The following PTGIS variants were observed in gnomAD, a reference collection of about 807,000 sequenced individuals.
The protein encoded by PTGIS is prostacyclin synthase.
Under a neutral mutation model 50.3 loss-of-function variants are expected in PTGIS, and 45 were observed. The observed-to-expected ratio is 0.90, with a 90% CI of 0.70 to 1.15. The LOEUF is 1.15. Ranked by LOEUF, PTGIS falls within the 50% of genes most tolerant of loss-of-function variation. PTGIS has a pLI of 0.00. For missense variants in PTGIS, 668 were observed against 661.3 expected, an observed-to-expected ratio of 1.01 and a Z score of -0.11; for synonymous variants, 260 against 267.7, an observed-to-expected ratio of 0.97 and a Z score of 0.28.
chr20:49,559,591 C>T (rs1207013774), intron 1 of PTGIS, among the ~76,000 whole-genome samples: 1 of 152,130 alleles, frequency 6.6e-6, no homozygotes, highest in African/African-American at 2.4e-5. Flanking sequence ...TGTGGTGTAT[C>T]AATGCCACGA....
At position 49,521,797 on chromosome 20, in the gene PTGIS, G is replaced by C. The variant is rs533781046; in HGVS notation, c.855+2261C>G. On this transcript the variant is annotated intron_variant, in intron 6 of 9. Coordinates refer to ENST00000244043, the MANE Select transcript of PTGIS (RefSeq NM_000961.4). ...GGCCAAGAGAAAGATGGGGCTTGGG[G>C]ATCAGGAGAGAGGGCAGGAACCAGG... Among the ~76,000 whole-genome samples the C allele has an allele frequency of 1.4e-3, 209 of 152,266 alleles. 1 individual carries two copies. The highest frequency in any genetic ancestry group is 4.6e-3 in the African/African-American group (191 of 41,562).
chr20:49,523,951 A>G, intron 6 of PTGIS, 107 bp downstream of exon 6: 2 of 1,331,216 alleles, frequency 1.5e-6, no homozygotes, highest in South Asian at 1.2e-5. Context: ...ACACAGGCAT[A>G]GTCATGTGCA....
chr20:49,503,965 T>A lies in PTGIS; in HGVS notation c.*3955A>T, dbSNP rs2122826289. 6.6e-6 allele frequency: 1 copy of A among 152,364 alleles called. No homozygotes were observed. Among genetic ancestry groups the A allele is most frequent in the Non-Finnish European group, 1.5e-5 (1 of 68,010 alleles). The allele number at this position is 152,364 out of a possible 1,614,324, so 9.4% of individuals were successfully genotyped here. A position where few individuals can be genotyped will look rare whatever the true frequency, so the allele number is the denominator to read the frequency against. ...GAATCTTTATTAAAATAGCAAGGCA[T>A]AACAATCACTGCTACTCAGGAAACA... On this transcript the variant is annotated 3_prime_UTR_variant, in exon 10 of 10. Transcript: ENST00000244043.
In PTGIS at chr20:49,524,057, C is replaced by G. The variant is rs1476849911; in HGVS notation, c.855+1G>C. 3.1e-6 allele frequency: 5 copies of G among 1,614,258 alleles called. No individual in the cohort carries two copies. The highest frequency in any genetic ancestry group is 4.2e-6 in the Non-Finnish European group (5 of 1,180,054). On this transcript the variant is annotated splice_donor_variant, in intron 6 of 9. Transcript: ENST00000244043. LOFTEE classifies it high-confidence loss of function. ...ACACCCACTTGCACATTCACACCCACCTGTGTGGCCCACAGCTGCAGCACC... is the reference window on the plus strand; with the variant it reads ...ACACCCACTTGCACATTCACACCCAGCTGTGTGGCCCACAGCTGCAGCACC...
chr20:49,533,762 G>C (rs900167583), intron 5 of PTGIS, among the ~76,000 whole-genome samples: 2 of 152,062 alleles, frequency 1.3e-5, no homozygotes, highest in East Asian at 3.9e-4. Context: ...TTCAAAACCA[G>C]CCTGGCCAAT....
intron 1 of PTGIS, among the ~76,000 whole-genome samples, chr20:49,551,420 C>A (rs1292329973): frequency 6.6e-6 from 1 of 152,144 alleles, no homozygotes; most frequent in Admixed American, 6.6e-5. Context: ...TATTATAACC[C>A]AGACATTTAT....
chr20:49,548,132 T>TA, intron 2 of PTGIS, 113 bp from the exon 3 acceptor site: 1 of 968,620 alleles, frequency 1.0e-6, no homozygotes, highest in Non-Finnish European at 1.6e-6. Context: ...AGTAACACAC[T>TA]ATGTTCTCTT....
rs1283435953 is a variant in PTGIS, at chr20:49,544,464, A to T, written c.378-16T>A. The T allele has an allele frequency of 6.2e-7, 1 of 1,614,080 alleles. No homozygotes were observed. Among genetic ancestry groups the T allele is most frequent in the Admixed American group, 1.7e-5 (1 of 60,018 alleles). On this transcript the variant is annotated splice_polypyrimidine_tract_variant and intron_variant, in intron 3 of 9. Transcript: ENST00000244043. ...GAGAAGAGTCCTGAGGCAGGAAACA[A>T]AAGCATGAAAATTTGGCTTCCAAAG...
chr20:49,535,633 GC>G (rs1944997949), intron 5 of PTGIS, among the ~76,000 whole-genome samples: 1 of 152,170 alleles, frequency 6.6e-6, no homozygotes, highest in African/African-American at 2.4e-5. Context: ...TCCCACCTCA[GC>G]CTCCCAAGTA....
intron 6 of PTGIS, among the ~76,000 whole-genome samples, chr20:49,523,101 G>A (rs1981695766): frequency 6.6e-6 from 1 of 152,186 alleles, no homozygotes; most frequent in Non-Finnish European, 1.5e-5. Flanking sequence ...TGGATTGGAT[G>A]CTGGACCAAG....
intron 1 of PTGIS, among the ~76,000 whole-genome samples, chr20:49,563,296 A>G (rs1294451046): frequency 6.6e-6 from 1 of 152,232 alleles, no homozygotes; most frequent in Non-Finnish European, 1.5e-5. Context: ...TCAGTCTGCC[A>G]TTAACAGGGT....
At chr20:49,526,787 A>G (rs1981803090) in intron 5 of PTGIS, among the ~76,000 whole-genome samples, 1 of 152,242 alleles carries the variant, frequency 6.6e-6, no homozygotes, top group Admixed American at 6.5e-5. Flanking sequence ...GATACCATTC[A>G]CAACCATGAG....
At chr20:49,541,781 G>A (rs1308739375) in intron 4 of PTGIS, among the ~76,000 whole-genome samples, 1 of 152,118 alleles carries the variant, frequency 6.6e-6, no homozygotes, top group Admixed American at 6.6e-5. Flanking sequence ...AAAAGAAAAA[G>A]TAAACCCAGA....
chr20:49,538,279 A>G (rs1409037690), intron 5 of PTGIS, among the ~76,000 whole-genome samples: 3 of 140,110 alleles, frequency 2.1e-5, no homozygotes, highest in African/African-American at 2.6e-5. Context: ...AAAAAAAAAA[A>G]AAAAAAAGGC....
intron 1 of PTGIS, among the ~76,000 whole-genome samples, chr20:49,552,924 C>A (rs114276687): frequency 0.013 from 1,936 of 152,042 alleles, 43 homozygotes; most frequent in African/African-American, 0.04. Context: ...ATTTATATGT[C>A]CTGTATATAA....
intron 1 of PTGIS, among the ~76,000 whole-genome samples, chr20:49,558,094 A>G (rs1416059491): frequency 1.3e-5 from 2 of 152,216 alleles, no homozygotes; most frequent in Admixed American, 6.5e-5. Flanking sequence ...AAAATTTTAA[A>G]AAAGGAAAAT....
At chr20:49,561,204 C>T (rs546249469) in intron 1 of PTGIS, among the ~76,000 whole-genome samples, 13 of 152,222 alleles carry the variant, frequency 8.5e-5, no homozygotes, top group Non-Finnish European at 1.5e-5. Flanking sequence ...TTCCCTCTAC[C>T]TGGCTGCCCC....
At chr20:49,553,686 G>T (rs1016128131) in intron 1 of PTGIS, among the ~76,000 whole-genome samples, 1 of 151,726 alleles carries the variant, frequency 6.6e-6, no homozygotes, top group Non-Finnish European at 1.5e-5. Flanking sequence ...TTCAAAGGTT[G>T]TTTATTAAAC....
chr20:49,563,195 G>A (rs1982819455), intron 1 of PTGIS, among the ~76,000 whole-genome samples: 1 of 152,188 alleles, frequency 6.6e-6, no homozygotes, highest in Non-Finnish European at 1.5e-5. Flanking sequence ...AGGGGGCTTA[G>A]TTGCACAGGT....
Sources: gnomAD v4.1 joint callset for allele counts (sites outside exome capture counted in the v4.1 genomes callset) on GRCh38, gnomAD v4.1.1 for gene constraint, MANE v1.5 for transcripts, NCBI Gene and HGNC (gene_info 2026-07-23, HGNC 2026-07-21) for gene names.